Variants in TTN observed in about 807,000 individuals in gnomAD.
The protein encoded by TTN is titin.
In TTN, 1,525 loss-of-function variants were observed where a neutral mutation model predicts 3,223.0. That is an observed-to-expected ratio of 0.47 (90% CI 0.45 to 0.49). The LOEUF (loss-of-function observed/expected upper bound fraction) is 0.49, where lower values mean the gene tolerates loss of function less well. Among genes scored for constraint, TTN ranks in the 20% least tolerant of loss-of-function variants. The pLI is 0.00. For synonymous variants in TTN, 14,094 were observed against 15,161.0 expected (o/e 0.93, Z 5.17); for missense variants, 40,786 against 43,424.0 (o/e 0.94, Z 5.40).
chr2:178,715,943 A>G (rs1319806644), intron 88 of TTN, among the ~76,000 whole-genome samples, 169 bp from the exon 89 acceptor site: 1 of 152,190 alleles, frequency 6.6e-6, no homozygotes, highest in Admixed American at 6.5e-5. Flanking sequence ...AATTTCTAAA[A>G]TAAAATATGC....
intron 12 of TTN, 145 bp from the exon 13 acceptor site, chr2:178,789,642 A>T (rs1011283273): frequency 2.3e-5 from 26 of 1,120,144 alleles, no homozygotes; most frequent in Admixed American, 2.3e-5. Flanking sequence ...GGCAATGTCT[A>T]CATATACTGA....
rs1554000213 is a variant in TTN at position 178,773,298 on chromosome 2, G to A, written c.7666C>T (p.Leu2556=). 3 of 1,613,934 alleles carry A rather than the reference G, an allele frequency of 1.9e-6. No individual in the cohort carries two copies. Among genetic ancestry groups the A allele is most frequent in the South Asian group, 1.1e-5 (1 of 91,072 alleles). ...AGGACATCAATTCCAGAGTGGGACA[G>A]CTCAACCTCAAACACCACATTTTGA... is the stretch of plus-strand genomic sequence containing the variant. ...ETQNVVFEVE[L]SHSGIDVLWN... The change falls in exon 33 of 363, where the codon CTG becomes TTG. Residue 2556 remains leucine, a synonymous_variant. Transcript: ENST00000589042.
At chr2:178,702,315 C>G in intron 107 of TTN, 70 bp from the exon 108 acceptor site, 1 of 1,605,812 alleles carries the variant, frequency 6.2e-7, no homozygotes, top group Non-Finnish European at 8.5e-7. Context: ...CTTCAATATA[C>G]GTATGTGTTT....
At chr2:178,603,811 C>A in intron 282 of TTN, 65 bp downstream of exon 282, 1 of 1,410,604 alleles carries the variant, frequency 7.1e-7, no homozygotes, top group Non-Finnish European at 9.4e-7. Flanking sequence ...AAATTTAAGG[C>A]AGAATTATCC....
chr2:178,779,546 T>C (rs2092579037), intron 22 of TTN, 84 bp from the exon 23 acceptor site: 1 of 947,000 alleles, frequency 1.1e-6, no homozygotes, highest in African/African-American at 1.7e-5. Context: ...AGCTAGACTG[T>C]TGAAGTTTTT....
chr2:178,620,294 G>C lies in TTN; in HGVS notation c.46227C>G (p.Val15409=). The C allele has an allele frequency of 1.9e-6, 3 of 1,562,902 alleles. No individual in the cohort carries two copies. In the South Asian group the frequency reaches 3.7e-5, roughly 19 times the overall value. The change falls in exon 248 of 363, where the codon GTC becomes GTG. Residue 15409 remains valine (V), a synonymous_variant. Coordinates refer to ENST00000589042, the MANE Select transcript of TTN (RefSeq NM_001267550.2). ...DQTVTEFDDA[V]FSCQLSREKA... is the part of the protein sequence containing the mutation. Reference sequence around the variant, plus strand: ...TCTCTCTGGAGAGCTGGCAGGAGAAGACAGCGTCATCGAACTCAGTGACTG... The same window carrying C: ...TCTCTCTGGAGAGCTGGCAGGAGAACACAGCGTCATCGAACTCAGTGACTG...
At chr2:178,696,600 A>G (rs995779306) in intron 113 of TTN, among the ~76,000 whole-genome samples, 1 of 152,030 alleles carries the variant, frequency 6.6e-6, no homozygotes, top group Non-Finnish European at 1.5e-5. Context: ...AATATTCGAT[A>G]AGTTCATGGA....
Position 178,548,942 on chromosome 2 carries a change from C to G in TTN, c.92684G>C (p.Arg30895Pro), listed in dbSNP as rs200141081. 1 of 1,613,894 alleles carries G rather than the reference C, an allele frequency of 6.2e-7. No homozygotes were observed. Among genetic ancestry groups the G allele is most frequent in the Non-Finnish European group, 8.5e-7 (1 of 1,179,832 alleles). ...DLQAGEEYKF[R>P]VSAINGAGKG... Reference sequence around the variant, plus strand: ...TCCAGCACCATTGATAGCACTAACTCGGAATTTGTATTCTTCACCTGCTTG... The same window carrying G: ...TCCAGCACCATTGATAGCACTAACTGGGAATTTGTATTCTTCACCTGCTTG... The change falls in exon 339 of 363, where the codon CGA (arginine) becomes CCA (proline). Residue 30895 changes from arginine (R) to proline (P), a missense_variant. Coordinates refer to ENST00000589042, the MANE Select transcript of TTN (RefSeq NM_001267550.2). This position sits in a 1 kb window ranked among gnomAD's most constrained non-coding sequence, Gnocchi z 4.3.
chr2:178,650,913 G>T (rs1297256770), intron 208 of TTN, 79 bp from the exon 209 acceptor site: 2 of 1,430,202 alleles, frequency 1.4e-6, no homozygotes, highest in East Asian at 2.5e-5. Flanking sequence ...TTCACATTTT[G>T]CTCAAATAAC....
Position 178,589,023 on chromosome 2 carries a change from A to G in TTN, c.62702T>C (p.Leu20901Pro). The change falls in exon 304 of 363, where the codon CTA (leucine) becomes CCA (proline). Residue 20901 changes from leucine to proline, a missense_variant. Physicochemically the swap from Leu to Pro is moderately conservative, Grantham distance 98. Transcript: ENST00000589042. ...CATTCGCTTTGTCTCACATTTTTCTAGAATATAATTTTGGATTTCACAGCC... is the reference window on the plus strand; with the variant it reads ...CATTCGCTTTGTCTCACATTTTTCTGGAATATAATTTTGGATTTCACAGCC... ...DGGCEIQNYI[L>P]EKCETKRMVW... 6.2e-7 allele frequency: 1 copy of G among 1,610,686 alleles called. No individual in the cohort carries two copies. Among genetic ancestry groups the G allele is most frequent in the East Asian group, 2.2e-5 (1 of 44,566 alleles).
chr2:178,695,380 A>G lies in TTN; in HGVS notation c.31238T>C (p.Val10413Ala), dbSNP rs794729405. Residue 10413 changes from valine to alanine, a missense_variant, in exon 115 of 363, where the codon GTA (valine) becomes GCA (alanine). Physicochemically the swap from Val to Ala is moderately conservative, Grantham distance 64. Transcript: ENST00000589042. ...AGGTGGTGGTGCTTTCTTTTCAGGTACTTTGGCTGGAACTTTTCTCTCATG... is the reference window on the plus strand; with the variant it reads ...AGGTGGTGGTGCTTTCTTTTCAGGTGCTTTGGCTGGAACTTTTCTCTCATG... Reference protein sequence around the residue: ...ESHERKVPAKVPEKKAPPPPK... With the variant: ...ESHERKVPAKAPEKKAPPPPK... 4 of 1,612,390 alleles carry G rather than the reference A, an allele frequency of 2.5e-6. No individual in the cohort carries two copies. The highest frequency in any genetic ancestry group is 2.5e-6 in the Non-Finnish European group (3 of 1,178,740).
intron 78 of TTN, among the ~76,000 whole-genome samples, chr2:178,721,544 T>C (rs2078364903): frequency 6.6e-6 from 1 of 152,054 alleles, no homozygotes; most frequent in Non-Finnish European, 1.5e-5. Context: ...CATTTAGTAA[T>C]GATAAATCAG....
intron 294 of TTN, 28 bp from the exon 295 acceptor site, chr2:178,595,837 C>G (rs538713787): frequency 6.4e-6 from 10 of 1,553,706 alleles, no homozygotes; most frequent in African/African-American, 1.4e-5. Flanking sequence ...ATAATTCAAG[C>G]TGTTTGCCTT....
At position 178,739,371 on chromosome 2, in the gene TTN, T is replaced by C; in HGVS notation, c.13862A>G (p.Asp4621Gly). 1 of 1,613,884 alleles carries C rather than the reference T, an allele frequency of 6.2e-7. No individual in the cohort carries two copies. Among genetic ancestry groups the C allele is most frequent in the Non-Finnish European group, 8.5e-7 (1 of 1,179,812 alleles). ...PLVDTVSEEG[D>G]IVHLTTSITN... ...TATGGATGTTGTGAGGTGTACAATA[T>C]CACCTTCCTCAGAAACAGTGTCCAC... The change falls in exon 48 of 363, where the codon GAT (aspartate) becomes GGT (glycine). Residue 4621 changes from aspartate (D) to glycine (G), a missense_variant. Asp to Gly is a moderately conservative substitution (Grantham distance 94). Coordinates refer to ENST00000589042, the MANE Select transcript of TTN (RefSeq NM_001267550.2).
intron 238 of TTN, 55 bp from the exon 239 acceptor site, chr2:178,630,422 G>T (rs1433727481): frequency 3.3e-6 from 5 of 1,526,906 alleles, no homozygotes; most frequent in Middle Eastern, 1.8e-4. Context: ...TTGAAATTTT[G>T]TTCTAAGGAT....
At chr2:178,754,337 A>G (rs2086369644) in intron 46 of TTN, among the ~76,000 whole-genome samples, 1 of 152,138 alleles carries the variant, frequency 6.6e-6, no homozygotes, top group Admixed American at 6.6e-5. Flanking sequence ...TCACTCTTCA[A>G]ACATCTAAAA....
intron 313 of TTN, 45 bp downstream of exon 313, chr2:178,582,895 T>A: frequency 1.4e-6 from 2 of 1,415,278 alleles, no homozygotes; most frequent in Non-Finnish European, 1.9e-6. Context: ...TTACATCCCA[T>A]TATCCAAAGT....
chr2:178,544,375 CCTT>C lies in TTN; in HGVS notation c.95851_95853del (p.Lys31951del), dbSNP rs752016475. The C allele has an allele frequency of 1.3e-5, 21 of 1,613,776 alleles. No homozygotes were observed. In the South Asian group the frequency reaches 2.3e-4, roughly 18 times the overall value. On this transcript the variant is annotated inframe_deletion, in exon 345 of 363. Coordinates refer to ENST00000589042, the MANE Select transcript of TTN (RefSeq NM_001267550.2). ...TGCACTCGGTACCACTGATCAGTGT[CCTT>C]CTCTTGCATTTCCAGAACATATCCT...
rs1277663410 is a variant in TTN at position 178,564,134 on chromosome 2, G to A, written c.81998C>T (p.Thr27333Ile). 6.2e-7 allele frequency: 1 copy of A among 1,613,738 alleles called. No individual in the cohort carries two copies. The highest frequency in any genetic ancestry group is 2.2e-5 in the East Asian group (1 of 44,858). Residue 27333 changes from threonine to isoleucine, a missense_variant, in exon 326 of 363, where the codon ACT (threonine) becomes ATT (isoleucine). Physicochemically the swap from Thr to Ile is moderately conservative, Grantham distance 89. Transcript: ENST00000589042. The part of the protein sequence containing the change: ...MEIKSTIQKT[T>I]LVVKDCIRTD... ...CCGTATACAGTCTTTGACAACAAGA[G>A]TTGTTTTCTGAATAGTAGATTTAAT...
Sources: allele counts gnomAD v4.1 joint callset (sites outside exome capture counted in the v4.1 genomes callset), GRCh38; gene constraint gnomAD v4.1.1; non-coding constraint Gnocchi (gnomAD v3.1); transcripts MANE v1.5; gene names NCBI Gene and HGNC (gene_info 2026-07-23, HGNC 2026-07-21).